LIN54: variants seen among roughly 807,000 people sequenced by gnomAD.
LIN54 encodes the protein protein lin-54 homolog.
In LIN54, 9 loss-of-function variants were observed where a neutral mutation model predicts 78.7. The ratio of observed to expected loss-of-function variants is 0.11; its 90% CI spans 0.07 to 0.20. The LOEUF (loss-of-function observed/expected upper bound fraction) is 0.20, where lower values mean the gene tolerates loss of function less well. Among genes scored for constraint, LIN54 ranks in the 10% least tolerant of loss-of-function variants. The pLI is 1.00. For synonymous variants in LIN54, 269 were observed against 318.4 expected (o/e 0.84, Z 1.65); for missense variants, 573 against 889.9 (o/e 0.64, Z 4.53).
intron 4 of LIN54, among the ~76,000 whole-genome samples, chr4:82,947,235 A>ATATATATATATTTTTTTT: frequency 1.6e-4 from 7 of 44,290 alleles, no homozygotes; most frequent in African/African-American, 6.0e-4. Context: ...ATATATATAT[A>ATATATATATATTTTTTTT]TTTTTTTTTT....
chr4:82,927,871 C>A lies in LIN54; in HGVS notation c.*231G>T. 2.3e-6 allele frequency: 1 copy of A among 434,010 alleles called. No individual in the cohort carries two copies. The highest frequency in any genetic ancestry group is 4.1e-6 in the Non-Finnish European group (1 of 245,792). The allele number at this position is 434,010 out of a possible 1,614,324, so 26.9% of individuals were successfully genotyped here. ...AAGAAACCCAAGCAAATTAAAAAAT[C>A]TATATAATAAAGAAAAATTCAATTT... On this transcript the variant is annotated 3_prime_UTR_variant, in exon 13 of 13. Transcript: ENST00000340417.
intron 7 of LIN54, 105 bp from the exon 8 acceptor site, chr4:82,938,609 A>G (rs969935383): frequency 6.1e-6 from 4 of 660,828 alleles, no homozygotes; most frequent in Non-Finnish European, 8.0e-6. Flanking sequence ...AAGATAAGAA[A>G]AACACAATGG....
At chr4:82,938,360 T>C (rs1409895779) in intron 8 of LIN54, 53 bp downstream of exon 8, 1 of 955,750 alleles carries the variant, frequency 1.0e-6, no homozygotes, top group Non-Finnish European at 1.7e-6. Flanking sequence ...ATATATTTAC[T>C]GTTGCATTTA....
At chr4:82,941,456 G>A (rs1476417210) in intron 5 of LIN54, among the ~76,000 whole-genome samples, 1 of 152,106 alleles carries the variant, frequency 6.6e-6, no homozygotes, top group Non-Finnish European at 1.5e-5. Context: ...GAATGTTAGG[G>A]TAGGACTCTG....
chr4:82,978,131 G>T (rs1726318251), intron 3 of LIN54, among the ~76,000 whole-genome samples: 2 of 152,288 alleles, frequency 1.3e-5, no homozygotes, highest in South Asian at 4.1e-4. Flanking sequence ...GAGTAGAAAG[G>T]CAAGTAAACT....
chr4:82,971,790 GATA>G (rs1362301018), intron 3 of LIN54, among the ~76,000 whole-genome samples: 3 of 152,246 alleles, frequency 2.0e-5, no homozygotes, highest in East Asian at 3.9e-4. Flanking sequence ...GCAGATGCTG[GATA>G]ATCAAATATA....
intron 1 of LIN54, among the ~76,000 whole-genome samples, chr4:83,009,753 G>C (rs1229596863): frequency 1.3e-5 from 2 of 152,212 alleles, no homozygotes; most frequent in East Asian, 3.9e-4. Context: ...TCACCCCATC[G>C]CAACTCTCCT....
intron 4 of LIN54, among the ~76,000 whole-genome samples, chr4:82,964,041 A>G (rs1005278595): frequency 2.2e-5 from 3 of 136,750 alleles, no homozygotes; most frequent in Non-Finnish European, 4.6e-5. Context: ...CTATACACTT[A>G]TTCCTCCCTC....
intron 1 of LIN54, among the ~76,000 whole-genome samples, chr4:82,993,446 G>A (rs1727915305): frequency 6.6e-6 from 1 of 151,854 alleles, no homozygotes; most frequent in African/African-American, 2.4e-5. Flanking sequence ...TCAAACTCCA[G>A]ACCTCAGGTG....
At chr4:82,988,523 C>A (rs780365254) in intron 1 of LIN54, among the ~76,000 whole-genome samples, 14 of 152,128 alleles carry the variant, frequency 9.2e-5, no homozygotes, top group African/African-American at 2.9e-4. Flanking sequence ...TCAGAAAATA[C>A]GTTTTTCATT....
At chr4:82,947,872 C>T (rs1434950765) in intron 4 of LIN54, among the ~76,000 whole-genome samples, 1 of 152,086 alleles carries the variant, frequency 6.6e-6, no homozygotes, top group Non-Finnish European at 1.5e-5. Context: ...TATGTATTCA[C>T]TATATGGATA....
intron 2 of LIN54, among the ~76,000 whole-genome samples, chr4:82,980,086 A>G (rs1285836411): frequency 1.3e-5 from 2 of 152,158 alleles, no homozygotes; most frequent in Admixed American, 1.3e-4. Context: ...TGAAGAGAGA[A>G]ACTATATTTA....
In LIN54 at chr4:82,926,578, G is replaced by A. The variant is rs1024468168; in HGVS notation, c.*1524C>T. ...TGATGATTAAGGTACCTAACAAAAT[G>A]CCTGAATTCCAACATGGTTTTTTCT... On this transcript the variant is annotated 3_prime_UTR_variant, in exon 13 of 13. Transcript: ENST00000340417. The A allele has an allele frequency of 2.0e-5, 3 of 152,164 alleles. No individual in the cohort carries two copies. Among genetic ancestry groups the A allele is most frequent in the Non-Finnish European group, 2.9e-5 (2 of 68,020 alleles). The allele number at this position is 152,164 out of a possible 1,614,324, so 9.4% of individuals were successfully genotyped here.
intron 1 of LIN54, among the ~76,000 whole-genome samples, chr4:83,003,030 G>T (rs1292449796): frequency 1.3e-5 from 2 of 151,956 alleles, no homozygotes; most frequent in African/African-American, 4.8e-5. Context: ...TTTTGTGAGT[G>T]TGAGATGGAG....
intron 4 of LIN54, among the ~76,000 whole-genome samples, chr4:82,954,696 C>G (rs912088765): frequency 6.6e-6 from 1 of 152,154 alleles, no homozygotes; most frequent in African/African-American, 2.4e-5. Flanking sequence ...AACAGGAGAA[C>G]ATAAAAACAG....
chr4:82,954,208 CATT>C (rs1316161133), intron 4 of LIN54, among the ~76,000 whole-genome samples: 2 of 151,602 alleles, frequency 1.3e-5, no homozygotes, highest in Non-Finnish European at 1.5e-5. Flanking sequence ...CAAGGAAAAA[CATT>C]ATATAGAACA....
rs188034690 is a variant in LIN54, at chr4:82,974,135, A to G, written c.809-3666T>C. ...TGAGGCAAGAGAATGGCGTGAACCCAGGAGGCGGAGCTTGCAGTGAGCCGA... is the reference window on the plus strand; with the variant it reads ...TGAGGCAAGAGAATGGCGTGAACCCGGGAGGCGGAGCTTGCAGTGAGCCGA... On this transcript the variant is annotated intron_variant, in intron 3 of 12. Coordinates refer to ENST00000340417, the MANE Select transcript of LIN54 (RefSeq NM_194282.4). Among the ~76,000 whole-genome samples, 250 of 151,150 alleles carry G rather than the reference A, an allele frequency of 1.7e-3. 1 individual carries two copies. Among genetic ancestry groups the G allele is most frequent in the African/African-American group, 5.1e-3 (212 of 41,264 alleles).
At chr4:82,954,004 G>T (rs1724071020) in intron 4 of LIN54, among the ~76,000 whole-genome samples, 1 of 151,876 alleles carries the variant, frequency 6.6e-6, no homozygotes, top group Non-Finnish European at 1.5e-5. Flanking sequence ...ATTTCATAAA[G>T]TTAAAAAAAA....
chr4:82,948,958 T>A (rs979388500), intron 4 of LIN54, among the ~76,000 whole-genome samples: 1 of 152,234 alleles, frequency 6.6e-6, no homozygotes, highest in Admixed American at 6.5e-5. Flanking sequence ...TTATTGTGAA[T>A]AGTGCTATAA....
Sources: allele counts gnomAD v4.1 joint callset (sites outside exome capture counted in the v4.1 genomes callset), GRCh38; gene constraint gnomAD v4.1.1; transcripts MANE v1.5; gene names NCBI Gene and HGNC (gene_info 2026-07-23, HGNC 2026-07-21).